The following DCAF17 variants were observed in gnomAD, a reference collection of about 807,000 sequenced individuals.
The protein encoded by DCAF17 is DDB1- and CUL4-associated factor 17.
A neutral mutation model predicts 66.0 loss-of-function variants in DCAF17; 48 were observed. The ratio of observed to expected loss-of-function variants is 0.73; its 90% CI spans 0.58 to 0.92. The LOEUF is 0.92. Among genes scored for constraint, DCAF17 ranks in the 40% least tolerant of loss-of-function variants. The pLI, the probability that DCAF17 is intolerant of heterozygous loss-of-function variation, is 0.00. For missense variants in DCAF17, 562 were observed against 622.8 expected, an observed-to-expected ratio of 0.90 and a Z score of 1.04; for synonymous variants, 206 against 214.6, an observed-to-expected ratio of 0.96 and a Z score of 0.35.
intron 2 of DCAF17, among the ~76,000 whole-genome samples, chr2:171,436,577 C>G (rs1373075058): frequency 6.6e-6 from 1 of 151,596 alleles, no homozygotes; most frequent in Non-Finnish European, 1.5e-5. Context: ...GCATATTAGC[C>G]ATTTGTATGT....
chr2:171,467,465 G>T (rs2105791934), intron 8 of DCAF17, among the ~76,000 whole-genome samples: 1 of 152,186 alleles, frequency 6.6e-6, no homozygotes, highest in Non-Finnish European at 1.5e-5. Flanking sequence ...GAGGCAGGCG[G>T]ATCGCTTGTG....
rs1467110858 is a variant in DCAF17 at position 171,480,128 on chromosome 2, G to A, written c.1357G>A (p.Asp453Asn). ...QIDAEGKAHL[D>N]FHCNEYGTLL... ...AGATGCTGAAGGAAAAGCTCACCTGGATTTCCACTGTAATGAATATGGAAC... is the reference window on the plus strand; with the variant it reads ...AGATGCTGAAGGAAAAGCTCACCTGAATTTCCACTGTAATGAATATGGAAC... Residue 453 changes from aspartate (D) to asparagine (N), a missense_variant, in exon 13 of 14, where the codon GAT (aspartate) becomes AAT (asparagine). Asp to Asn is a conservative substitution (Grantham distance 23). Around this residue, in one of 3 missense-constraint regions of DCAF17, gnomAD observed 201 missense variants for 231.1 expected, o/e 0.87. Transcript: ENST00000375255. The A allele has an allele frequency of 4.3e-6, 7 of 1,613,816 alleles. No individual in the cohort carries two copies. Among genetic ancestry groups the A allele is most frequent in the Non-Finnish European group, 5.9e-6 (7 of 1,179,814 alleles).
chr2:171,446,966 G>A (rs949076823), intron 3 of DCAF17, among the ~76,000 whole-genome samples: 1 of 152,130 alleles, frequency 6.6e-6, no homozygotes, highest in Non-Finnish European at 1.5e-5. Flanking sequence ...AGACTGAAAT[G>A]TATTGTCTTT....
intron 3 of DCAF17, among the ~76,000 whole-genome samples, chr2:171,447,151 A>G (rs1025621752): frequency 6.6e-6 from 1 of 151,836 alleles, no homozygotes; most frequent in Non-Finnish European, 1.5e-5. Flanking sequence ...TTGTTTTAGT[A>G]TTTAGTGGTG....
intron 3 of DCAF17, among the ~76,000 whole-genome samples, chr2:171,447,660 C>A (rs1694711948): frequency 1.3e-5 from 2 of 152,310 alleles, no homozygotes; most frequent in South Asian, 4.1e-4. Flanking sequence ...CCGCACCTAG[C>A]CACTTCTTTT....
At chr2:171,440,233 C>T (rs1004751250) in intron 2 of DCAF17, among the ~76,000 whole-genome samples, 1 of 152,138 alleles carries the variant, frequency 6.6e-6, no homozygotes, top group African/African-American at 2.4e-5. Flanking sequence ...TGTATTTTGC[C>T]TGTTAGCATG....
At position 171,483,003 on chromosome 2, in the gene DCAF17, G is replaced by A. The variant is rs1171837647; in HGVS notation, c.*1889G>A. 2.2e-6 allele frequency: 1 copy of A among 454,006 alleles called. No individual in the cohort carries two copies. Among genetic ancestry groups the A allele is most frequent in the African/African-American group, 2.0e-5 (1 of 50,008 alleles). 28.1% of individuals were successfully genotyped at this position (454,006 alleles called of 1,614,324 possible). A position where few individuals can be genotyped will look rare whatever the true frequency, so the allele number is the denominator to read the frequency against. On this transcript the variant is annotated 3_prime_UTR_variant, in exon 14 of 14. Transcript: ENST00000375255. ...GAGAGCTATGCCCCAACTAAAAGGA[G>A]CAGCTGCTACTGCTTAGTTTCAGCC...
chr2:171,458,311 C>A, intron 7 of DCAF17, 61 bp from the exon 8 acceptor site: 2 of 1,393,848 alleles, frequency 1.4e-6, no homozygotes, highest in Non-Finnish European at 2.0e-6. Context: ...TATTTTTGTT[C>A]TCTCCAGATA....
rs546917416 is a variant in DCAF17 at position 171,446,534 on chromosome 2, A to G, written c.322-2147A>G. 2.6e-5 allele frequency among the ~76,000 whole-genome samples: 4 copies of G among 152,190 alleles called. No homozygotes were observed. The South Asian group carries it at 8.3e-4, about 32-fold the overall frequency. ...GCACTCCAGCCTGGGTGACAGAGCAAGACTCTGTCTCAAAAGAAAAAAAAA... is the reference window on the plus strand; with the variant it reads ...GCACTCCAGCCTGGGTGACAGAGCAGGACTCTGTCTCAAAAGAAAAAAAAA... On this transcript the variant is annotated intron_variant, in intron 3 of 13. Transcript: ENST00000375255.
intron 1 of DCAF17, 47 bp downstream of exon 1, chr2:171,434,750 G>A: frequency 7.2e-7 from 1 of 1,391,218 alleles, no homozygotes; most frequent in South Asian, 1.6e-5. Flanking sequence ...CGGGCGCGCG[G>A]CGGCCGAGCC....
Position 171,483,759 on chromosome 2 carries a change from T to G in DCAF17, c.*2645T>G, listed in dbSNP as rs758118215. On this transcript the variant is annotated 3_prime_UTR_variant, in exon 14 of 14. Coordinates refer to ENST00000375255, the MANE Select transcript of DCAF17 (RefSeq NM_025000.4). Reference sequence around the variant, plus strand: ...ATATTCAGAATAACCACATGAAGTATGAACTGCCATTATCTTTCCCCTTTG... The same window carrying G: ...ATATTCAGAATAACCACATGAAGTAGGAACTGCCATTATCTTTCCCCTTTG... 2.0e-5 allele frequency: 9 copies of G among 453,976 alleles called. No homozygotes were observed. Among genetic ancestry groups the G allele is most frequent in the South Asian group, 1.4e-4 (9 of 64,474 alleles). The allele number at this position is 453,976 out of a possible 1,614,324, so 28.1% of individuals were successfully genotyped here.
chr2:171,467,613 T>TGTAATACTTAGGAGGCTGA lies in DCAF17; in HGVS notation c.839-1273_839-1255dup, dbSNP rs1366051091. Among the ~76,000 whole-genome samples the TGTAATACTTAGGAGGCTGA allele has an allele frequency of 7.2e-3, 1,090 of 151,316 alleles. 14 individuals carry two copies. Among genetic ancestry groups the TGTAATACTTAGGAGGCTGA allele is most frequent in the African/African-American group, 0.023 (937 of 41,158 alleles). ...GGAGGTTGTAATACTTAGGAGGCTG[T>TGTAATACTTAGGAGGCTGA]GTAATACTTAGGAGGCTGAGGCATG... On this transcript the variant is annotated intron_variant, in intron 8 of 13. Coordinates refer to ENST00000375255, the MANE Select transcript of DCAF17 (RefSeq NM_025000.4).
chr2:171,444,015 A>G (rs1382330371), intron 3 of DCAF17, among the ~76,000 whole-genome samples: 1 of 151,936 alleles, frequency 6.6e-6, no homozygotes, highest in African/African-American at 2.4e-5. Flanking sequence ...AATAATAAAA[A>G]TAAAATAATA....
intron 2 of DCAF17, among the ~76,000 whole-genome samples, chr2:171,437,713 A>G (rs146018819): frequency 4.6e-5 from 7 of 152,266 alleles, no homozygotes; most frequent in African/African-American, 1.4e-4. Context: ...CTTATTCATA[A>G]TATTTCTTTA....
In DCAF17 at chr2:171,482,391, A is replaced by C. The variant is rs1035519903; in HGVS notation, c.*1277A>C. The C allele has an allele frequency of 4.4e-6, 2 of 453,750 alleles. No individual in the cohort carries two copies. Among genetic ancestry groups the C allele is most frequent in the Non-Finnish European group, 8.8e-6 (2 of 226,702 alleles). 28.1% of individuals were successfully genotyped at this position (453,750 alleles called of 1,614,324 possible). A position where few individuals can be genotyped will look rare whatever the true frequency, so the allele number is the denominator to read the frequency against. ...TTTTTTTCAGTTTTGGCTTGATGCC[A>C]TGTTAAGAATGATGTGAATTCTTCC... On this transcript the variant is annotated 3_prime_UTR_variant, in exon 14 of 14. Transcript: ENST00000375255.
intron 10 of DCAF17, among the ~76,000 whole-genome samples, chr2:171,475,985 G>A (rs1263186963): frequency 3.9e-5 from 6 of 152,182 alleles, no homozygotes; most frequent in African/African-American, 1.2e-4. Flanking sequence ...CAAGGCCCAC[G>A]AAGAGTGTAT....
At chr2:171,443,375 G>GA (rs1163338220) in intron 2 of DCAF17, 148 bp from the exon 3 acceptor site, 1 of 609,592 alleles carries the variant, frequency 1.6e-6, no homozygotes. Context: ...TATGTGATCA[G>GA]AAAAAAATAT....
Position 171,483,889 on chromosome 2 carries a change from G to A in DCAF17, c.*2775G>A, listed in dbSNP as rs16859404. 34 of 453,914 alleles carry A rather than the reference G, an allele frequency of 7.5e-5. No homozygotes were observed. The highest frequency in any genetic ancestry group is 1.5e-4 in the Non-Finnish European group (34 of 226,794). 28.1% of individuals were successfully genotyped at this position (453,914 alleles called of 1,614,324 possible). On this transcript the variant is annotated 3_prime_UTR_variant, in exon 14 of 14. Transcript: ENST00000375255. The stretch of plus-strand genomic sequence containing the variant: ...AACCAGATTTGTTCGGCATGAACTT[G>A]TGCCAAATTTCCTCCAAAGTTCTCA...
chr2:171,474,931 T>A (rs1696427879), intron 10 of DCAF17, among the ~76,000 whole-genome samples: 1 of 152,260 alleles, frequency 6.6e-6, no homozygotes, highest in South Asian at 2.1e-4. Flanking sequence ...ACTCTTGCGC[T>A]GTCTGTTTTC....
Sources: gnomAD v4.1 joint callset for allele counts (sites outside exome capture counted in the v4.1 genomes callset) on GRCh38, gnomAD v4.1.1 for gene constraint, gnomAD v4.1.1 regional missense constraint, MANE v1.5 for transcripts, NCBI Gene and HGNC (gene_info 2026-07-23, HGNC 2026-07-21) for gene names.